KIR3DL3: variants seen among roughly 807,000 people sequenced by gnomAD.
KIR3DL3 encodes killer cell immunoglobulin like receptor, three Ig domains and long cytoplasmic tail 3.
Under a neutral mutation model 34.9 loss-of-function variants are expected in KIR3DL3, and 27 were observed. The observed-to-expected ratio is 0.77, with a 90% CI of 0.57 to 1.07. KIR3DL3 has a LOEUF of 1.07. KIR3DL3 is among the 50% of genes least tolerant of loss of function. The probability of loss-of-function intolerance (pLI) is 0.00; values close to 1 mark genes in which losing one functional copy is unlikely to be tolerated. For missense variants in KIR3DL3, 681 were observed against 528.5 expected (o/e 1.29, Z -2.83); for synonymous variants, 217 against 200.2 (o/e 1.08, Z -0.71).
chr19:54,726,404 C>A (rs270789), intron 3 of KIR3DL3, 67 bp downstream of exon 3: 1 of 1,542,902 alleles, frequency 6.5e-7, no homozygotes, highest in Admixed American at 1.9e-5. Context: ...CTGGTGGGGG[C>A]GTCCATCAGG....
Position 54,726,214 on chromosome 19 carries a change from A to T in KIR3DL3, c.232A>T (p.Asn78Tyr). 1 of 1,613,750 alleles carries T rather than the reference A, an allele frequency of 6.2e-7. No individual in the cohort carries two copies. Among genetic ancestry groups the T allele is most frequent in the Non-Finnish European group, 8.5e-7 (1 of 1,179,904 alleles). Residue 78 changes from asparagine (N) to tyrosine (Y), a missense_variant, in exon 3 of 8, where the codon AAC (asparagine) becomes TAC (tyrosine). By Grantham distance (143) the Asn-to-Tyr change is moderately radical. Transcript: ENST00000291860. ...VPELYNRIFR[N>Y]SFLMGPVTPA... ...TGAGCTCTACAACAGAATATTCCGG[A>T]ACAGCTTTCTCATGGGCCCTGTGAC...
rs1182794835 is a variant in KIR3DL3 at position 54,729,554 on chromosome 19, T to C, written c.717T>C (p.Asn239=). 3.7e-6 allele frequency: 6 copies of C among 1,606,352 alleles called. No individual in the cohort carries two copies. Among genetic ancestry groups the C allele is most frequent in the Non-Finnish European group, 5.1e-6 (6 of 1,178,148 alleles). Residue 239 remains asparagine (N), a synonymous_variant, in exon 5 of 8, where the codon AAT becomes AAC. Transcript: ENST00000291860. ...GCCCCACGGTTCAGGCAGGAGAGAA[T>C]GTGACCTTGTCCTGCAGCTCCCGGA... ...QPGPTVQAGE[N]VTLSCSSRSL...
At chr19:54,725,321 A>T in intron 2 of KIR3DL3, 39 bp downstream of exon 2, 4 of 1,488,968 alleles carry the variant, frequency 2.7e-6, no homozygotes, top group Non-Finnish European at 3.6e-6. Flanking sequence ...TCATCTCCCC[A>T]CATAAGATGA....
chr19:54,734,629 T>C, intron 5 of KIR3DL3, among the ~76,000 whole-genome samples: 1 of 147,506 alleles, frequency 6.8e-6, no homozygotes, highest in Non-Finnish European at 1.5e-5. Flanking sequence ...GTTGCTGTCT[T>C]AGTCCATTTT....
rs1202698820 is a variant in KIR3DL3, at chr19:54,727,828, G to A, written c.573G>A (p.Gly191=). The change falls in exon 4 of 8, where the codon GGG becomes GGA. Residue 191 remains glycine (G), a synonymous_variant. Coordinates refer to ENST00000291860, the MANE Select transcript of KIR3DL3 (RefSeq NM_153443.5). ...SMGPMTPALA[G]TYRCFGSVTH... The stretch of plus-strand genomic sequence containing the variant: ...GTCCCATGACACCTGCCCTTGCAGG[G>A]ACCTACAGATGCTTTGGTTCTGTCA... The A allele has an allele frequency of 1.2e-6, 2 of 1,613,986 alleles. No individual in the cohort carries two copies. Among genetic ancestry groups the A allele is most frequent in the Non-Finnish European group, 1.7e-6 (2 of 1,179,988 alleles).
chr19:54,725,415 T>A, intron 2 of KIR3DL3, 133 bp downstream of exon 2: 1 of 758,608 alleles, frequency 1.3e-6, no homozygotes, highest in Non-Finnish European at 2.1e-6. Flanking sequence ...TCTCATGAAC[T>A]AGGAAAAGGA....
chr19:54,731,825 C>T (rs1235941065), intron 5 of KIR3DL3, among the ~76,000 whole-genome samples: 1 of 151,896 alleles, frequency 6.6e-6, no homozygotes, highest in Admixed American at 6.6e-5. Flanking sequence ...TCTTCTTTAC[C>T]CACACCTTTT....
Position 54,727,916 on chromosome 19 carries a change from A to G in KIR3DL3, c.655+6A>G. 6.2e-7 allele frequency: 1 copy of G among 1,603,500 alleles called. No individual in the cohort carries two copies. On this transcript the variant is annotated splice_donor_region_variant and intron_variant, in intron 4 of 7. Coordinates refer to ENST00000291860, the MANE Select transcript of KIR3DL3 (RefSeq NM_153443.5). ...TCTGGACATCGTGGTCGTAGGTGAG[A>G]GAATACAGACCTGCCTCTCACCCTT...
At position 54,729,478 on chromosome 19, in the gene KIR3DL3, C is replaced by G; in HGVS notation, c.656-15C>G. The G allele has an allele frequency of 6.4e-7, 1 of 1,562,352 alleles. No homozygotes were observed. Among genetic ancestry groups the G allele is most frequent in the Non-Finnish European group, 8.6e-7 (1 of 1,162,400 alleles). On this transcript the variant is annotated splice_polypyrimidine_tract_variant and intron_variant, in intron 4 of 7. Transcript: ENST00000291860. Reference sequence around the variant, plus strand: ...GGAAGAACCTCCCTGAGGAAACCACCTCTTCTTCTTCCAGGTCTATATGGG... The same window carrying G: ...GGAAGAACCTCCCTGAGGAAACCACGTCTTCTTCTTCCAGGTCTATATGGG...
At chr19:54,735,397 TG>T in intron 6 of KIR3DL3, 40 bp downstream of exon 6, 1 of 971,124 alleles carries the variant, frequency 1.0e-6, no homozygotes, top group Admixed American at 1.7e-5. Flanking sequence ...CTCAGGGCCA[TG>T]TGGGGAAGCA....
intron 4 of KIR3DL3, among the ~76,000 whole-genome samples, chr19:54,728,368 C>T (rs1300120015): frequency 2.0e-5 from 3 of 148,072 alleles, no homozygotes; most frequent in African/African-American, 5.0e-5. Flanking sequence ...ATTCTTAAAC[C>T]TCTGCCTTCC....
At chr19:54,732,056 G>C (rs2068853577) in intron 5 of KIR3DL3, among the ~76,000 whole-genome samples, 2 of 149,018 alleles carry the variant, frequency 1.3e-5, no homozygotes, top group African/African-American at 2.6e-5. Context: ...GGACATTTTG[G>C]GGGTGGGGCA....
At position 54,727,926 on chromosome 19, in the gene KIR3DL3, C is replaced by A; in HGVS notation, c.655+16C>A. 3.8e-6 allele frequency: 6 copies of A among 1,592,150 alleles called. No homozygotes were observed. Among genetic ancestry groups the A allele is most frequent in the Non-Finnish European group, 1.7e-6 (2 of 1,166,860 alleles). The stretch of plus-strand genomic sequence containing the variant: ...GTGGTCGTAGGTGAGAGAATACAGA[C>A]CTGCCTCTCACCCTTGCTGGGAGAT... On this transcript the variant is annotated intron_variant, in intron 4 of 7. Coordinates refer to ENST00000291860, the MANE Select transcript of KIR3DL3 (RefSeq NM_153443.5).
chr19:54,729,922 G>A (rs1270324571), intron 5 of KIR3DL3, 136 bp downstream of exon 5: 3 of 624,806 alleles, frequency 4.8e-6, no homozygotes, highest in Non-Finnish European at 7.5e-6. Flanking sequence ...CGGGGTCAGG[G>A]CGCAGGATGG....
Position 54,724,676 on chromosome 19 carries a change from G to T in KIR3DL3, c.34+146G>T, listed in dbSNP as rs1465060746. 1.9e-5 allele frequency: 28 copies of T among 1,447,392 alleles called. No individual in the cohort carries two copies. The East Asian group carries it at 5.8e-4, about 30-fold the overall frequency. The allele number at this position is 1,447,392 out of a possible 1,614,324, so 89.7% of individuals were successfully genotyped here. ...ATATGGGCCTGGGGTGGAGATATGG[G>T]CCTGGAGTGGAGATATGGGCCTGGA... On this transcript the variant is annotated intron_variant, in intron 1 of 7. Coordinates refer to ENST00000291860, the MANE Select transcript of KIR3DL3 (RefSeq NM_153443.5).
intron 2 of KIR3DL3, 46 bp downstream of exon 2, chr19:54,725,328 A>G: frequency 6.9e-7 from 1 of 1,446,016 alleles, no homozygotes; most frequent in Non-Finnish European, 9.3e-7. Flanking sequence ...CCCACATAAG[A>G]TGATGCTCCT....
At position 54,729,674 on chromosome 19, in the gene KIR3DL3, C is replaced by G; in HGVS notation, c.837C>G (p.Asn279Lys). ...VLRVNGTFQA[N>K]FPLGPVTHGG... ...GGGTCAATGGAACATTCCAGGCCAA[C>G]TTCCCTCTGGGCCCTGTGACCCACG... is the stretch of plus-strand genomic sequence containing the variant. Residue 279 changes from asparagine (N) to lysine (K), a missense_variant, in exon 5 of 8, where the codon AAC becomes AAG. Transcript: ENST00000291860. 1 of 1,600,946 alleles carries G rather than the reference C, an allele frequency of 6.2e-7. No individual in the cohort carries two copies. The highest frequency in any genetic ancestry group is 1.1e-5 in the South Asian group (1 of 90,404).
intron 3 of KIR3DL3, among the ~76,000 whole-genome samples, chr19:54,727,368 C>T (rs1360726773): frequency 7.6e-6 from 1 of 131,066 alleles, no homozygotes; most frequent in East Asian, 2.4e-4. Flanking sequence ...GATACAACAG[C>T]CTAAGAGGTG....
chr19:54,726,174 C>G lies in KIR3DL3; in HGVS notation c.192C>G (p.Asp64Glu). Reference protein sequence around the residue: ...GFNEFSLSKEDGMPVPELYNR... With the variant: ...GFNEFSLSKEEGMPVPELYNR... ...ATGAATTCAGTCTGTCCAAAGAAGA[C>G]GGGATGCCTGTCCCTGAGCTCTACA... The change falls in exon 3 of 8, where the codon GAC (aspartate) becomes GAG (glutamate). Residue 64 changes from aspartate (D) to glutamate (E), a missense_variant. Asp to Glu is a conservative substitution (Grantham distance 45). Transcript: ENST00000291860. The G allele has an allele frequency of 6.2e-7, 1 of 1,613,334 alleles. No individual in the cohort carries two copies. Among genetic ancestry groups the G allele is most frequent in the South Asian group, 1.1e-5 (1 of 91,038 alleles).
Sources: allele counts gnomAD v4.1 joint callset (sites outside exome capture counted in the v4.1 genomes callset), GRCh38; gene constraint gnomAD v4.1.1; transcripts MANE v1.5; gene names NCBI Gene and HGNC (gene_info 2026-07-23, HGNC 2026-07-21).